A4GALT: variants seen among roughly 807,000 people sequenced by gnomAD.
A4GALT encodes alpha 1,4-galactosyltransferase (P1PK blood group), also known as lactosylceramide 4-alpha-galactosyltransferase.
For missense variants in A4GALT, 512 were observed against 486.0 expected, an observed-to-expected ratio of 1.05 and a Z score of -0.50; for synonymous variants, 257 against 220.7, an observed-to-expected ratio of 1.16 and a Z score of -1.46.
At chr22:42,702,606 G>T (rs1920929988) in intron 1 of A4GALT, among the ~76,000 whole-genome samples, 1 of 152,212 alleles carries the variant, frequency 6.6e-6, no homozygotes, top group Non-Finnish European at 1.5e-5. Context: ...CAAAGTGCTG[G>T]GATTACAGGC....
intron 1 of A4GALT, among the ~76,000 whole-genome samples, chr22:42,717,056 G>A (rs1243980485): frequency 6.6e-6 from 1 of 152,138 alleles, no homozygotes; most frequent in Non-Finnish European, 1.5e-5. Context: ...GAAGGTGTGT[G>A]GGCACAGGGG....
chr22:42,696,425 A>T (rs1024824353), intron 1 of A4GALT, among the ~76,000 whole-genome samples: 5 of 135,862 alleles, frequency 3.7e-5, no homozygotes, highest in African/African-American at 1.4e-4. Flanking sequence ...AGTTTCAAAA[A>T]GGAAAAAAAA....
At chr22:42,696,115 C>T in intron 1 of A4GALT, among the ~76,000 whole-genome samples, 1 of 29,438 alleles carries the variant, frequency 3.4e-5, no homozygotes, top group South Asian at 1.2e-3. Context: ...GAGCCAGACT[C>T]TATCTCAAAA....
At chr22:42,700,589 G>C (rs79152360) in intron 1 of A4GALT, among the ~76,000 whole-genome samples, 4,256 of 152,292 alleles carry the variant, frequency 0.028, 184 homozygotes, top group African/African-American at 0.096. Context: ...CACCCCTGCT[G>C]ACCTGTGATT....
chr22:42,703,912 T>A (rs1188908460), intron 1 of A4GALT, among the ~76,000 whole-genome samples: 1 of 152,176 alleles, frequency 6.6e-6, no homozygotes, highest in African/African-American at 2.4e-5. Context: ...CTTCCGCACC[T>A]GCTAAGATTT....
intron 1 of A4GALT, among the ~76,000 whole-genome samples, chr22:42,702,787 G>A (rs1445640307): frequency 1.4e-5 from 2 of 143,490 alleles, no homozygotes; most frequent in African/African-American, 3.0e-5. Flanking sequence ...AACGCCCACC[G>A]GGTTCCTTCA....
chr22:42,714,845 C>T (rs987429765), intron 1 of A4GALT, among the ~76,000 whole-genome samples: 5 of 151,914 alleles, frequency 3.3e-5, no homozygotes, highest in South Asian at 2.1e-4. Context: ...AGATGGGCTG[C>T]GGGGCAGGGG....
rs1284987987 is a variant in A4GALT at position 42,705,612 on chromosome 22, A to AG, written c.-187-9982dup. ...AGATTCTGTCTCAAAAAAAAAAAAA[A>AG]GAAAAAGAAAAAGAAAAAGAAGAAA... On this transcript the variant is annotated intron_variant, in intron 1 of 2. Transcript: ENST00000642412. 1.7e-5 allele frequency among the ~76,000 whole-genome samples: 2 copies of AG among 120,168 alleles called. 1 individual carries two copies. The highest frequency in any genetic ancestry group is 3.9e-5 in the Non-Finnish European group (2 of 51,846). 78.8% of individuals were successfully genotyped at this position (120,168 alleles called of 152,430 possible).
At chr22:42,698,869 C>T (rs1931113050) in intron 1 of A4GALT, among the ~76,000 whole-genome samples, 1 of 152,124 alleles carries the variant, frequency 6.6e-6, no homozygotes. Flanking sequence ...ACCAAAATGG[C>T]CATAAGAGTG....
chr22:42,715,831 CT>C (rs202032877), intron 1 of A4GALT, among the ~76,000 whole-genome samples: 1 of 81,208 alleles, frequency 1.2e-5, no homozygotes, highest in Admixed American at 1.2e-4. Flanking sequence ...AAGATACAAT[CT>C]TTTTTTTTGT....
chr22:42,706,982 T>G (rs186874154), intron 1 of A4GALT, among the ~76,000 whole-genome samples: 2 of 152,130 alleles, frequency 1.3e-5, no homozygotes, highest in Non-Finnish European at 2.9e-5. Flanking sequence ...GTAGCAATTT[T>G]CAGAATAGAA....
chr22:42,720,028 C>T (rs1922560023), intron 1 of A4GALT, among the ~76,000 whole-genome samples: 1 of 152,190 alleles, frequency 6.6e-6, no homozygotes, highest in Admixed American at 6.5e-5. Context: ...GAAGGGGACT[C>T]GCCCTGGCAG....
chr22:42,704,886 GGGC>G (rs1920971277), intron 1 of A4GALT, among the ~76,000 whole-genome samples: 1 of 139,986 alleles, frequency 7.1e-6, no homozygotes, highest in Non-Finnish European at 1.6e-5. Context: ...GGGCGGGGGG[GGGC>G]GGCGGAGGCG....
chr22:42,695,819 C>A (rs888608416), intron 1 of A4GALT, among the ~76,000 whole-genome samples, 188 bp from the exon 2 acceptor site: 3 of 152,118 alleles, frequency 2.0e-5, no homozygotes. Context: ...AGGGGAGAAT[C>A]AGACACAGCC....
intron 1 of A4GALT, among the ~76,000 whole-genome samples, chr22:42,720,329 G>A (rs1050669841): frequency 8.4e-6 from 1 of 118,868 alleles, no homozygotes; most frequent in Admixed American, 8.4e-5. Context: ...CCTCCTGCCG[G>A]CCGCTCTCCA....
intron 1 of A4GALT, among the ~76,000 whole-genome samples, chr22:42,720,497 G>C (rs951356356): frequency 1.2e-4 from 19 of 152,164 alleles, no homozygotes; most frequent in African/African-American, 4.6e-4. Flanking sequence ...GACCCAACCG[G>C]GTGGGGCTGC....
intron 1 of A4GALT, among the ~76,000 whole-genome samples, chr22:42,708,334 C>T (rs1040118260): frequency 2.6e-5 from 4 of 152,062 alleles, no homozygotes; most frequent in South Asian, 2.1e-4. Flanking sequence ...GCCGAGATCG[C>T]GCCATTGCAT....
At chr22:42,716,419 C>T (rs1042625051) in intron 1 of A4GALT, among the ~76,000 whole-genome samples, 1 of 152,106 alleles carries the variant, frequency 6.6e-6, no homozygotes, top group Non-Finnish European at 1.5e-5. Flanking sequence ...GTAACAATGG[C>T]GTGTATTTTC....
chr22:42,709,789 CAAAAAATAA>C (rs1921519018), intron 1 of A4GALT, among the ~76,000 whole-genome samples: 1 of 150,776 alleles, frequency 6.6e-6, no homozygotes. Context: ...GACTCTGTCT[CAAAAAATAA>C]AAAAAATAAA....
Sources: allele counts gnomAD v4.1 joint callset (sites outside exome capture counted in the v4.1 genomes callset), GRCh38; gene constraint gnomAD v4.1.1; transcripts MANE v1.5; gene names NCBI Gene and HGNC (gene_info 2026-07-23, HGNC 2026-07-21).